The following MRTFB variants were observed in gnomAD, a reference collection of about 807,000 sequenced individuals.
MRTFB encodes the protein myocardin related transcription factor B.
In MRTFB, 29 loss-of-function variants were observed where a neutral mutation model predicts 104.2. The ratio of observed to expected loss-of-function variants is 0.28; its 90% CI spans 0.21 to 0.38. The LOEUF (loss-of-function observed/expected upper bound fraction) is 0.38, where lower values mean the gene tolerates loss of function less well. MRTFB is among the 10% of genes least tolerant of loss of function. The probability of loss-of-function intolerance (pLI) is 1.00; values close to 1 mark genes in which losing one functional copy is unlikely to be tolerated. For missense variants in MRTFB, 1,270 were observed against 1,341.6 expected (o/e 0.95, Z 0.83); for synonymous variants, 535 against 519.5 (o/e 1.03, Z -0.41).
intron 2 of MRTFB, among the ~76,000 whole-genome samples, chr16:14,097,672 G>T (rs1236282075): frequency 1.3e-5 from 2 of 152,122 alleles, no homozygotes; most frequent in South Asian, 4.1e-4. Context: ...CCCCAATAAG[G>T]ATGATGAACA....
chr16:14,241,735 G>A (rs1464163837), intron 10 of MRTFB, among the ~76,000 whole-genome samples: 1 of 152,062 alleles, frequency 6.6e-6, no homozygotes, highest in Non-Finnish European at 1.5e-5. Flanking sequence ...TGATTGTGAA[G>A]TACTTAAATC....
chr16:14,217,463 C>G (rs1234951187), intron 7 of MRTFB, among the ~76,000 whole-genome samples, 176 bp downstream of exon 7: 3 of 152,180 alleles, frequency 2.0e-5, no homozygotes, highest in African/African-American at 7.2e-5. Flanking sequence ...AGTCTAGTAT[C>G]TGCCGCTGAT....
chr16:14,135,487 C>G (rs2037664302), intron 2 of MRTFB, among the ~76,000 whole-genome samples: 1 of 152,232 alleles, frequency 6.6e-6, no homozygotes, highest in East Asian at 1.9e-4. Flanking sequence ...ATAGGCTATG[C>G]CCTGCAGCCT....
intron 4 of MRTFB, among the ~76,000 whole-genome samples, chr16:14,210,565 C>G (rs1300139680): frequency 6.6e-6 from 1 of 152,172 alleles, no homozygotes; most frequent in Middle Eastern, 3.2e-3. Context: ...GGCTAACATT[C>G]ATTCTTTCTT....
chr16:14,010,308 G>A, the MRTFB span, among the ~76,000 whole-genome samples: 11 of 151,988 alleles, frequency 7.2e-5, no homozygotes, highest in Non-Finnish European at 1.2e-4. Context: ...CAGTAGACTT[G>A]CTATGATATG....
At chr16:14,110,576 T>C (rs1228685872) in intron 2 of MRTFB, among the ~76,000 whole-genome samples, 2 of 152,002 alleles carry the variant, frequency 1.3e-5, no homozygotes, top group Admixed American at 1.3e-4. Context: ...GATTCCAGGC[T>C]CTCTACCAGT....
intron 10 of MRTFB, 170 bp downstream of exon 10, chr16:14,240,654 G>A (rs766325041): frequency 3.5e-6 from 4 of 1,130,820 alleles, no homozygotes; most frequent in Non-Finnish European, 5.3e-6. Context: ...TGGTGAGAGT[G>A]GCCTGCATTC....
At chr16:14,002,490 AAG>A in the MRTFB span, among the ~76,000 whole-genome samples, 1 of 100,998 alleles carries the variant, frequency 9.9e-6, no homozygotes, top group Non-Finnish European at 2.4e-5. Flanking sequence ...ACAAATTAGA[AAG>A]AGAATAACTT....
At chr16:14,235,938 T>C (rs1281932025) in intron 9 of MRTFB, among the ~76,000 whole-genome samples, 3 of 152,036 alleles carry the variant, frequency 2.0e-5, no homozygotes, top group African/African-American at 7.2e-5. Flanking sequence ...CCCTGCACTT[T>C]GGGAGGCCAA....
At chr16:14,208,341 C>T (rs1485766939) in intron 3 of MRTFB, among the ~76,000 whole-genome samples, 1 of 152,168 alleles carries the variant, frequency 6.6e-6, no homozygotes, top group Non-Finnish European at 1.5e-5. Flanking sequence ...TTCAAAGATG[C>T]CATTCACCCA....
chr16:14,179,925 C>A (rs1392983380), intron 3 of MRTFB, among the ~76,000 whole-genome samples: 1 of 152,166 alleles, frequency 6.6e-6, no homozygotes, highest in Non-Finnish European at 1.5e-5. Context: ...CGCTCAAGTG[C>A]ATGATTAGTG....
In MRTFB at chr16:14,262,107, C is replaced by T. The variant is rs909010742; in HGVS notation, c.*663C>T. On this transcript the variant is annotated 3_prime_UTR_variant, in exon 17 of 17. Transcript: ENST00000571589. ...TAAATTTAAATGCAAGATCTTTCAA[C>T]ATAAACAGAAGATACCTACAAAATA... is the stretch of plus-strand genomic sequence containing the variant. 2.6e-5 allele frequency: 4 copies of T among 152,140 alleles called. No individual in the cohort carries two copies. Among genetic ancestry groups the T allele is most frequent in the African/African-American group, 7.2e-5 (3 of 41,436 alleles). The allele number at this position is 152,140 out of a possible 1,614,324, so 9.4% of individuals were successfully genotyped here.
intron 8 of MRTFB, among the ~76,000 whole-genome samples, chr16:14,228,693 A>G (rs2042119871): frequency 6.6e-6 from 1 of 152,250 alleles, no homozygotes; most frequent in Admixed American, 6.5e-5. Flanking sequence ...TGCCAGATGA[A>G]TGGATAAACA....
chr16:14,192,231 G>A (rs1453089910), intron 3 of MRTFB, among the ~76,000 whole-genome samples: 2 of 152,006 alleles, frequency 1.3e-5, no homozygotes, highest in East Asian at 1.9e-4. Context: ...AATAAGCCAG[G>A]TGTGCTGGCT....
the MRTFB span, among the ~76,000 whole-genome samples, chr16:14,034,164 A>T: frequency 6.6e-6 from 1 of 152,218 alleles, no homozygotes; most frequent in African/African-American, 2.4e-5. Context: ...GGTACCACCA[A>T]CTGAGTGCCT....
At chr16:14,132,073 G>A (rs865790452) in intron 2 of MRTFB, among the ~76,000 whole-genome samples, 22 of 152,224 alleles carry the variant, frequency 1.4e-4, no homozygotes, top group South Asian at 4.1e-4. Flanking sequence ...GTAAATTCAC[G>A]CAATGAAATA....
chr16:14,114,562 C>T (rs1178895913), intron 2 of MRTFB, among the ~76,000 whole-genome samples: 2 of 152,194 alleles, frequency 1.3e-5, no homozygotes, highest in African/African-American at 4.8e-5. Flanking sequence ...CTGCGTTCCA[C>T]CATGCTTGTG....
intron 3 of MRTFB, among the ~76,000 whole-genome samples, chr16:14,145,189 G>A (rs761531832): frequency 6.6e-6 from 1 of 151,390 alleles, no homozygotes; most frequent in Non-Finnish European, 1.5e-5. Context: ...TCTTCTTAAT[G>A]CAGTGTTTAA....
chr16:14,123,975 A>G (rs374525523), intron 2 of MRTFB, among the ~76,000 whole-genome samples: 23 of 152,150 alleles, frequency 1.5e-4, no homozygotes, highest in East Asian at 1.4e-3. Flanking sequence ...CCTTGAAGAG[A>G]TCCCTCACAT....
Sources: gnomAD v4.1 joint callset for allele counts (sites outside exome capture counted in the v4.1 genomes callset) on GRCh38, gnomAD v4.1.1 for gene constraint, MANE v1.5 for transcripts, NCBI Gene and HGNC (gene_info 2026-07-23, HGNC 2026-07-21) for gene names.